The following ATP8B2 variants were observed in gnomAD, a reference collection of about 807,000 sequenced individuals.
The protein encoded by ATP8B2 is phospholipid-transporting ATPase ID.
In ATP8B2, 70 loss-of-function variants were observed where a neutral mutation model predicts 133.4. The ratio of observed to expected loss-of-function variants is 0.52; its 90% CI spans 0.43 to 0.64. ATP8B2 has a LOEUF of 0.64. ATP8B2 is among the 30% of genes least tolerant of loss of function. The probability of loss-of-function intolerance (pLI) is 0.00; values close to 1 mark genes in which losing one functional copy is unlikely to be tolerated. For synonymous variants in ATP8B2, 517 were observed against 589.5 expected (o/e 0.88, Z 1.78); for missense variants, 1,101 against 1,535.7 (o/e 0.72, Z 4.73).
intron 9 of ATP8B2, 91 bp downstream of exon 9, chr1:154,332,788 TTTG>T (rs1686041584): frequency 8.8e-6 from 9 of 1,017,398 alleles, no homozygotes; most frequent in Admixed American, 2.1e-5. Context: ...CTTTGGGCTT[TTTG>T]TTGTTATTAT....
intron 3 of ATP8B2, 163 bp from the exon 4 acceptor site, chr1:154,330,652 C>A (rs1185918457): frequency 6.8e-6 from 5 of 739,294 alleles, no homozygotes; most frequent in African/African-American, 5.3e-5. Flanking sequence ...TACATTGACC[C>A]CCTTGAGACT....
Position 154,334,644 on chromosome 1 carries a change from G to A in ATP8B2, c.837+53G>A, listed in dbSNP as rs1686114261. On this transcript the variant is annotated intron_variant, in intron 11 of 27. Transcript: ENST00000368489. The surrounding 1 kb of genome is among the most constrained non-coding windows in gnomAD (Gnocchi z 4.6). ...CCCCTGCCCTCTCTTCTCCTTGGGT[G>A]CTCCTTTTCCTTTCCTCTTTCTTCT... 6.7e-7 allele frequency: 1 copy of A among 1,497,320 alleles called. No homozygotes were observed. The highest frequency in any genetic ancestry group is 1.1e-5 in the South Asian group (1 of 87,482). The allele number at this position is 1,497,320 out of a possible 1,614,324, so 92.8% of individuals were successfully genotyped here.
At chr1:154,330,341 G>A in intron 2 of ATP8B2, 55 bp from the exon 3 acceptor site, 1 of 1,511,382 alleles carries the variant, frequency 6.6e-7, no homozygotes, top group Non-Finnish European at 9.2e-7. Context: ...CCCCAGCAAA[G>A]TGTTGGTCCA....
Position 154,340,784 on chromosome 1 carries a change from C to G in ATP8B2, c.1035-70C>G. ...CTCTCCCCAGGCGGAGGGCCTGCAG[C>G]GAAGGCCCATGTGGGTGGGGCACCT... On this transcript the variant is annotated intron_variant, in intron 12 of 27. Coordinates refer to ENST00000368489, the MANE Select transcript of ATP8B2 (RefSeq NM_001370597.1). This position sits in a 1 kb window ranked among gnomAD's most constrained non-coding sequence, Gnocchi z 4.0. The G allele has an allele frequency of 7.0e-7, 1 of 1,423,874 alleles. No individual in the cohort carries two copies. The highest frequency in any genetic ancestry group is 1.7e-5 in the Admixed American group (1 of 58,942). The allele number at this position is 1,423,874 out of a possible 1,614,324, so 88.2% of individuals were successfully genotyped here.
chr1:154,343,996 C>T lies in ATP8B2; in HGVS notation c.1862C>T (p.Ala621Val). The T allele has an allele frequency of 1.2e-6, 2 of 1,614,114 alleles. No individual in the cohort carries two copies. Among genetic ancestry groups the T allele is most frequent in the Non-Finnish European group, 1.7e-6 (2 of 1,179,998 alleles). ...WAERRLQASL[A>V]QDSREDRLAS... ...GAGCGACGCCTCCAGGCCAGCCTGG[C>T]CCAGGACAGCCGGGAGGACAGGCTG... The change falls in exon 18 of 28, where the codon GCC becomes GTC. Residue 621 changes from alanine to valine, a missense_variant. Ala to Val is a moderately conservative substitution (Grantham distance 64). Coordinates refer to ENST00000368489, the MANE Select transcript of ATP8B2 (RefSeq NM_001370597.1). The surrounding 1 kb of genome is among the most constrained non-coding windows in gnomAD (Gnocchi z 5.8).
chr1:154,336,557 G>A (rs1269476573), intron 11 of ATP8B2, among the ~76,000 whole-genome samples: 5 of 148,856 alleles, frequency 3.4e-5, no homozygotes, highest in South Asian at 4.2e-4. Flanking sequence ...GCATTATCTC[G>A]GCTCACTGCA....
rs770597489 is a variant in ATP8B2 at position 154,344,610 on chromosome 1, G to T, written c.2142-31G>T. ...CCTGCTCCCCACTGCCGTTCTGGAAGACCACAACCGTATCATTTCCACCTC... is the reference window on the plus strand; with the variant it reads ...CCTGCTCCCCACTGCCGTTCTGGAATACCACAACCGTATCATTTCCACCTC... On this transcript the variant is annotated intron_variant, in intron 20 of 27. Transcript: ENST00000368489. This position sits in a 1 kb window ranked among gnomAD's most constrained non-coding sequence, Gnocchi z 4.1. 1 of 1,607,274 alleles carries T rather than the reference G, an allele frequency of 6.2e-7. No homozygotes were observed. Among genetic ancestry groups the T allele is most frequent in the Non-Finnish European group, 8.5e-7 (1 of 1,174,442 alleles).
chr1:154,350,788 TC>T lies in ATP8B2; in HGVS notation c.*1671del, dbSNP rs1686757801. The T allele has an allele frequency of 6.6e-6, 1 of 152,414 alleles. No individual in the cohort carries two copies. Among genetic ancestry groups the T allele is most frequent in the African/African-American group, 2.4e-5 (1 of 41,464 alleles). The allele number at this position is 152,414 out of a possible 1,614,324, so 9.4% of individuals were successfully genotyped here. ...ATTTCCCAAGTTAGTCGCTACCTAATCAGCCTTGAGAAGAATCCTTTCCTCT... is the reference window on the plus strand; with the variant it reads ...ATTTCCCAAGTTAGTCGCTACCTAATAGCCTTGAGAAGAATCCTTTCCTCT... On this transcript the variant is annotated 3_prime_UTR_variant, in exon 28 of 28. Transcript: ENST00000368489.
chr1:154,344,575 G>A lies in ATP8B2; in HGVS notation c.2142-66G>A, dbSNP rs957721465. 1.2e-6 allele frequency: 2 copies of A among 1,609,980 alleles called. No homozygotes were observed. Among genetic ancestry groups the A allele is most frequent in the Admixed American group, 1.7e-5 (1 of 59,950 alleles). On this transcript the variant is annotated intron_variant, in intron 20 of 27. Transcript: ENST00000368489. This position sits in a 1 kb window ranked among gnomAD's most constrained non-coding sequence, Gnocchi z 4.1. ...CAGGTGGGGGTTTCTGGACCATTTA[G>A]ACTTGAATCCCTGCTCCCCACTGCC...
In ATP8B2 at chr1:154,334,821, C is replaced by A. The variant is rs1004080941; in HGVS notation, c.837+230C>A. 4.6e-5 allele frequency among the ~76,000 whole-genome samples: 7 copies of A among 152,156 alleles called. No homozygotes were observed. Among genetic ancestry groups the A allele is most frequent in the African/African-American group, 1.7e-4 (7 of 41,442 alleles). Reference sequence around the variant, plus strand: ...TCAACAACTTAAAGCTAAAACAAATCATCCCTTCTCTGATTCCAGTTATGA... The same window carrying A: ...TCAACAACTTAAAGCTAAAACAAATAATCCCTTCTCTGATTCCAGTTATGA... On this transcript the variant is annotated intron_variant, in intron 11 of 27. Coordinates refer to ENST00000368489, the MANE Select transcript of ATP8B2 (RefSeq NM_001370597.1). This position sits in a 1 kb window ranked among gnomAD's most constrained non-coding sequence, Gnocchi z 4.6.
chr1:154,336,374 C>T (rs1686178550), intron 11 of ATP8B2, among the ~76,000 whole-genome samples: 1 of 151,882 alleles, frequency 6.6e-6, no homozygotes, highest in Non-Finnish European at 1.5e-5. Flanking sequence ...TTTTGGCATC[C>T]CTGGGCCACA....
chr1:154,331,062 C>A lies in ATP8B2; in HGVS notation c.219C>A (p.Ile73=), dbSNP rs1685972482. The change falls in exon 5 of 28, where the codon ATC becomes ATA. Residue 73 remains isoleucine (I), a synonymous_variant. Transcript: ENST00000368489. This position sits in a 1 kb window ranked among gnomAD's most constrained non-coding sequence, Gnocchi z 4.8. ...FLLILQLIPQ[I]SSLSWFTTIV... is the part of the protein sequence containing the mutation. Reference sequence around the variant, plus strand: ...CTTTTTTTCAGTTGATCCCCCAGATCTCTTCCCTGTCCTGGTTCACCACCA... The same window carrying A: ...CTTTTTTTCAGTTGATCCCCCAGATATCTTCCCTGTCCTGGTTCACCACCA... 4 of 1,614,008 alleles carry A rather than the reference C, an allele frequency of 2.5e-6. No homozygotes were observed. Among genetic ancestry groups the A allele is most frequent in the East Asian group, 4.5e-5 (2 of 44,880 alleles).
In ATP8B2 at chr1:154,328,926, G is replaced by A. The variant is rs1685888413; in HGVS notation, c.31+754G>A. 1 of 1,287,042 alleles carries A rather than the reference G, an allele frequency of 7.8e-7. No homozygotes were observed. The allele number at this position is 1,287,042 out of a possible 1,614,324, so 79.7% of individuals were successfully genotyped here. On this transcript the variant is annotated intron_variant, in intron 2 of 27. Transcript: ENST00000368489. This position sits in a 1 kb window ranked among gnomAD's most constrained non-coding sequence, Gnocchi z 4.6. ...CTGCACCTCCCCGGGGAGCCGCCCC[G>A]TCGATGCCACTAAGGCCAAGGACAT...
rs568326575 is a variant in ATP8B2 at position 154,345,707 on chromosome 1, T to C, written c.2695-93T>C. 10 of 1,375,990 alleles carry C rather than the reference T, an allele frequency of 7.3e-6. No individual in the cohort carries two copies. The highest frequency in any genetic ancestry group is 1.0e-5 in the Non-Finnish European group (10 of 974,778). The allele number at this position is 1,375,990 out of a possible 1,614,324, so 85.2% of individuals were successfully genotyped here. A position where few individuals can be genotyped will look rare whatever the true frequency, so the allele number is the denominator to read the frequency against. ...AGAGAAGGAGCCTCAGAAAATTTCT[T>C]AGGGTTCTCTGTATGTGACATCAGC... is the stretch of plus-strand genomic sequence containing the variant. On this transcript the variant is annotated intron_variant, in intron 23 of 27. Coordinates refer to ENST00000368489, the MANE Select transcript of ATP8B2 (RefSeq NM_001370597.1). This position sits in a 1 kb window ranked among gnomAD's most constrained non-coding sequence, Gnocchi z 5.6.
In ATP8B2 at chr1:154,334,716, G is replaced by T. The variant is rs1686116135; in HGVS notation, c.837+125G>T. 2.0e-5 allele frequency: 14 copies of T among 710,352 alleles called. No homozygotes were observed. The highest frequency in any genetic ancestry group is 3.3e-5 in the Non-Finnish European group (14 of 426,442). The allele number at this position is 710,352 out of a possible 1,614,324, so 44.0% of individuals were successfully genotyped here. On this transcript the variant is annotated intron_variant, in intron 11 of 27. Transcript: ENST00000368489. This position sits in a 1 kb window ranked among gnomAD's most constrained non-coding sequence, Gnocchi z 4.6. ...TGGCTTTAAAGCTGCTAGCAGGTCA[G>T]CTACACAAAGGCAGTGTTTATTTTA...
At chr1:154,326,972 C>T (rs768368632) in intron 1 of ATP8B2, among the ~76,000 whole-genome samples, 14 of 152,304 alleles carry the variant, frequency 9.2e-5, no homozygotes, top group Non-Finnish European at 1.9e-4. Flanking sequence ...GCACCCTGGA[C>T]TGCCATAGTT....
chr1:154,326,957 G>C (rs569842494), intron 1 of ATP8B2, among the ~76,000 whole-genome samples: 1 of 152,204 alleles, frequency 6.6e-6, no homozygotes, highest in African/African-American at 2.4e-5. Context: ...TTCTTCCTGA[G>C]CCAGGCACCC....
chr1:154,339,528 A>G (rs1686305035), intron 12 of ATP8B2, among the ~76,000 whole-genome samples: 1 of 151,980 alleles, frequency 6.6e-6, no homozygotes. Context: ...CTTACAACCT[A>G]ATTTTGTTTT....
At chr1:154,327,790 T>C (rs1379162286) in intron 1 of ATP8B2, 2 of 1,612,602 alleles carry the variant, frequency 1.2e-6, no homozygotes, top group African/African-American at 2.7e-5. Context: ...GAGCCTCCAT[T>C]GTCCCTGGGA....
Sources: gnomAD v4.1 joint callset for allele counts (sites outside exome capture counted in the v4.1 genomes callset) on GRCh38, gnomAD v4.1.1 for gene constraint, Gnocchi (gnomAD v3.1) non-coding constraint, MANE v1.5 for transcripts, NCBI Gene and HGNC (gene_info 2026-07-23, HGNC 2026-07-21) for gene names.